Variants in CNTLN observed in about 807,000 individuals in gnomAD.
The protein encoded by CNTLN is centlein, centrosomal protein.
Under a neutral mutation model 180.0 loss-of-function variants are expected in CNTLN, and 212 were observed. That is an observed-to-expected ratio of 1.18 (90% CI 1.05 to 1.32). CNTLN has a LOEUF of 1.32. Ranked by LOEUF, CNTLN falls within the 40% of genes most tolerant of loss-of-function variation. CNTLN has a pLI of 0.00. For missense variants in CNTLN, 2,095 were observed against 1,610.9 expected, an observed-to-expected ratio of 1.30 and a Z score of -5.14; for synonymous variants, 722 against 563.1, an observed-to-expected ratio of 1.28 and a Z score of -3.99.
intron 15 of CNTLN, among the ~76,000 whole-genome samples, chr9:17,407,478 G>T (rs1039488583): frequency 3.9e-5 from 6 of 152,066 alleles, no homozygotes; most frequent in South Asian, 2.1e-4. Flanking sequence ...TGTAAAATAC[G>T]TCACACAATA....
At chr9:17,426,401 A>C (rs1241569887) in intron 18 of CNTLN, among the ~76,000 whole-genome samples, 1 of 152,186 alleles carries the variant, frequency 6.6e-6, no homozygotes, top group African/African-American at 2.4e-5. Flanking sequence ...TAAAAGTGTA[A>C]AAAGTAGACT....
chr9:17,517,463 T>C, the CNTLN span, among the ~76,000 whole-genome samples: 8 of 151,154 alleles, frequency 5.3e-5, no homozygotes, highest in South Asian at 1.3e-3. Flanking sequence ...ATAAAGTCTT[T>C]GTAGATGTAT....
At chr9:17,274,266 T>C (rs995851355) in intron 6 of CNTLN, among the ~76,000 whole-genome samples, 4 of 152,218 alleles carry the variant, frequency 2.6e-5, no homozygotes, top group East Asian at 3.9e-4. Context: ...AGTCTTTCTA[T>C]ATCAACATAA....
intron 5 of CNTLN, among the ~76,000 whole-genome samples, chr9:17,255,832 C>T (rs565252503): frequency 6.6e-6 from 1 of 151,918 alleles, no homozygotes; most frequent in Non-Finnish European, 1.5e-5. Flanking sequence ...AGTCTTCTTA[C>T]AAGTTACTGT....
intron 6 of CNTLN, among the ~76,000 whole-genome samples, chr9:17,282,999 T>A (rs1828758815): frequency 6.6e-6 from 1 of 152,214 alleles, no homozygotes; most frequent in African/African-American, 2.4e-5. Context: ...TGCCCTGTAG[T>A]ATCGTTTGAA....
rs1386128654 is a variant in CNTLN, at chr9:17,236,356, G to GT, written c.670-47dup. On this transcript the variant is annotated intron_variant, in intron 4 of 25. Coordinates refer to ENST00000380647, the MANE Select transcript of CNTLN (RefSeq NM_017738.4). ...CTGATTAGTGCTCACCATTTTTTGG[G>GT]TTTTTTGTTTCGTTTTGTTTTATTT... is the stretch of plus-strand genomic sequence containing the variant. 6.2e-6 allele frequency: 9 copies of GT among 1,461,086 alleles called. No individual in the cohort carries two copies. In the African/African-American group the frequency reaches 8.7e-5, roughly 14 times the overall value. 90.5% of individuals were successfully genotyped at this position (1,461,086 alleles called of 1,614,324 possible).
Position 17,443,660 on chromosome 9 carries a change from G to A in CNTLN, c.3115-13864G>A, listed in dbSNP as rs150035013. 4.5e-3 allele frequency among the ~76,000 whole-genome samples: 687 copies of A among 152,220 alleles called. 5 individuals are homozygous for A. The highest frequency in any genetic ancestry group is 8.5e-3 in the Admixed American group (130 of 15,278). On this transcript the variant is annotated intron_variant, in intron 18 of 25. Transcript: ENST00000380647. ...TCTTAGTTGACTGGTTAACACATGG[G>A]CATTCATTGTATTTTTCTTTATATA...
chr9:17,484,625 A>G (rs1005533793), intron 24 of CNTLN, 145 bp downstream of exon 24: 7 of 630,266 alleles, frequency 1.1e-5, no homozygotes, highest in Admixed American at 3.9e-5. Context: ...AATGAAAGAT[A>G]CACATCAAGT....
At chr9:17,401,531 C>T (rs1826977459) in intron 15 of CNTLN, among the ~76,000 whole-genome samples, 1 of 148,488 alleles carries the variant, frequency 6.7e-6, no homozygotes, top group African/African-American at 2.6e-5. Context: ...GCTACCGTGC[C>T]TGGCTAATTT....
At chr9:17,405,111 A>G (rs1827276144) in intron 15 of CNTLN, among the ~76,000 whole-genome samples, 1 of 151,402 alleles carries the variant, frequency 6.6e-6, no homozygotes, top group Non-Finnish European at 1.5e-5. Context: ...ACCTTACTTG[A>G]CCTCTCAGCA....
intron 2 of CNTLN, among the ~76,000 whole-genome samples, chr9:17,178,739 C>A (rs970485312): frequency 8.6e-5 from 13 of 152,044 alleles, no homozygotes; most frequent in African/African-American, 2.7e-4. Context: ...GGGTTGCGGG[C>A]AGCCCCAGTT....
intron 2 of CNTLN, among the ~76,000 whole-genome samples, chr9:17,192,953 G>A (rs1468095041): frequency 1.3e-5 from 2 of 148,474 alleles, no homozygotes; most frequent in Non-Finnish European, 2.9e-5. Context: ...CAGAATCATG[G>A]TGGGAGGCAA....
At chr9:17,230,513 T>A (rs1206422256) in intron 3 of CNTLN, among the ~76,000 whole-genome samples, 1 of 151,492 alleles carries the variant, frequency 6.6e-6, no homozygotes, top group African/African-American at 2.4e-5. Flanking sequence ...GTTTCCCCCC[T>A]CCCCTTACCC....
chr9:17,145,452 C>T (rs1024386046), intron 2 of CNTLN, among the ~76,000 whole-genome samples: 2 of 152,094 alleles, frequency 1.3e-5, no homozygotes, highest in African/African-American at 4.8e-5. Flanking sequence ...TTCTAAATAT[C>T]AAGGTCAAAT....
chr9:17,347,002 G>T (rs941374413), intron 12 of CNTLN, among the ~76,000 whole-genome samples: 1 of 152,120 alleles, frequency 6.6e-6, no homozygotes, highest in Admixed American at 6.5e-5. Context: ...TCTCTCATGA[G>T]CTCATGCAGC....
At chr9:17,390,624 C>T (rs1361193074) in intron 14 of CNTLN, among the ~76,000 whole-genome samples, 1 of 152,100 alleles carries the variant, frequency 6.6e-6, no homozygotes, top group East Asian at 1.9e-4. Flanking sequence ...AATTATAACC[C>T]ACAGATTGAA....
intron 2 of CNTLN, among the ~76,000 whole-genome samples, chr9:17,179,844 T>G (rs960874584): frequency 9.1e-6 from 1 of 110,480 alleles, no homozygotes; most frequent in East Asian, 1.9e-4. Context: ...TATTTTGAGC[T>G]CTAAAGTCTA....
At chr9:17,312,349 A>ATATATAT (rs1261608416) in intron 8 of CNTLN, among the ~76,000 whole-genome samples, 3 of 14,542 alleles carry the variant, frequency 2.1e-4, no homozygotes, top group Non-Finnish European at 6.5e-4. Flanking sequence ...GTATTTATAT[A>ATATATAT]TATATATATA....
intron 6 of CNTLN, among the ~76,000 whole-genome samples, chr9:17,288,580 G>C (rs1392454390): frequency 7.8e-6 from 1 of 128,538 alleles, no homozygotes; most frequent in Non-Finnish European, 1.6e-5. Context: ...TTTCTGTCTC[G>C]TTGATCTGTC....
Sources: gnomAD v4.1 joint callset for allele counts (sites outside exome capture counted in the v4.1 genomes callset) on GRCh38, gnomAD v4.1.1 for gene constraint, MANE v1.5 for transcripts, NCBI Gene and HGNC (gene_info 2026-07-23, HGNC 2026-07-21) for gene names.